The following PHKB variants were observed in gnomAD, a reference collection of about 807,000 sequenced individuals.
The protein encoded by PHKB is phosphorylase kinase regulatory subunit beta, also known as phosphorylase b kinase regulatory subunit beta.
PHKB carries 122 observed loss-of-function variants against 152.1 expected under a neutral mutation model. The observed-to-expected ratio is 0.80, with a 90% CI of 0.69 to 0.93. The LOEUF (loss-of-function observed/expected upper bound fraction) is 0.93. PHKB is among the 40% of genes least tolerant of loss of function. PHKB has a pLI of 0.00. For missense variants in PHKB, 1,304 were observed against 1,328.4 expected (o/e 0.98, Z 0.29); for synonymous variants, 436 against 464.9 (o/e 0.94, Z 0.80).
chr16:47,515,018 C>G (rs1970572275), intron 5 of PHKB, among the ~76,000 whole-genome samples: 2 of 152,118 alleles, frequency 1.3e-5, no homozygotes, highest in Non-Finnish European at 2.9e-5. Flanking sequence ...TCAAGATGCA[C>G]TGCCTATTGT....
rs1285034357 is a variant in PHKB at position 47,473,053 on chromosome 16, TG to T, written c.76+11628del. ...CTTCTAGGATCTGTGTTTTTTTTTTTGTTTGTTTGTTTGTTTGTTTTTGTTT... is the reference window on the plus strand; with the variant it reads ...CTTCTAGGATCTGTGTTTTTTTTTTTTTTGTTTGTTTGTTTGTTTTTGTTT... On this transcript the variant is annotated intron_variant, in intron 1 of 30. Coordinates refer to ENST00000323584, the MANE Select transcript of PHKB (RefSeq NM_000293.3). Among the ~76,000 whole-genome samples, 39 of 150,938 alleles carry T rather than the reference TG, an allele frequency of 2.6e-4. 1 individual carries two copies. The highest frequency in any genetic ancestry group is 1.3e-3 in the Admixed American group (19 of 15,116).
At chr16:47,521,923 A>T (rs1193465451) in intron 6 of PHKB, among the ~76,000 whole-genome samples, 1 of 152,138 alleles carries the variant, frequency 6.6e-6, no homozygotes, top group African/African-American at 2.4e-5. Flanking sequence ...CTTGGTCATG[A>T]TGTATAATCC....
chr16:47,655,655 G>A (rs1212243344), intron 20 of PHKB, among the ~76,000 whole-genome samples: 1 of 152,166 alleles, frequency 6.6e-6, no homozygotes, highest in Admixed American at 6.5e-5. Context: ...TTTTAATCCT[G>A]TGTCATCTGA....
chr16:47,650,556 T>C lies in PHKB; in HGVS notation c.1810T>C (p.Phe604Leu). ...TTCTGTTTGACAGAATGCGCTGCAGTTCATTAAACAATATTGGAAAATGCA... is the reference window on the plus strand; with the variant it reads ...TTCTGTTTGACAGAATGCGCTGCAGCTCATTAAACAATATTGGAAAATGCA... ...LIDDIKNALQ[F>L]IKQYWKMHGR... is the part of the protein sequence containing the mutation. The change falls in exon 19 of 31, where the codon TTC (phenylalanine) becomes CTC (leucine). Residue 604 changes from phenylalanine (F) to leucine (L), a missense_variant. Coordinates refer to ENST00000323584, the MANE Select transcript of PHKB (RefSeq NM_000293.3). The C allele has an allele frequency of 6.3e-7, 1 of 1,599,856 alleles. No individual in the cohort carries two copies. The highest frequency in any genetic ancestry group is 8.6e-7 in the Non-Finnish European group (1 of 1,167,142).
At chr16:47,683,559 G>A (rs551450342) in intron 26 of PHKB, among the ~76,000 whole-genome samples, 8 of 152,318 alleles carry the variant, frequency 5.3e-5, no homozygotes, top group East Asian at 3.9e-4. Context: ...AGGACCCTCC[G>A]AGCCAGGTGT....
At chr16:47,629,782 C>T (rs1192072546) in intron 14 of PHKB, among the ~76,000 whole-genome samples, 1 of 152,128 alleles carries the variant, frequency 6.6e-6, no homozygotes, top group Admixed American at 6.5e-5. Flanking sequence ...CCCAGATGTC[C>T]AACAGTGACA....
intron 1 of PHKB, among the ~76,000 whole-genome samples, chr16:47,489,430 A>C (rs926429854): frequency 3.9e-5 from 6 of 152,252 alleles, no homozygotes; most frequent in African/African-American, 1.4e-4. Context: ...TGCAACATAG[A>C]CTTTAGTCTT....
At position 47,654,925 on chromosome 16, in the gene PHKB, A is replaced by G. The variant is rs1973308104; in HGVS notation, c.1971+4004A>G. 2.6e-5 allele frequency among the ~76,000 whole-genome samples: 4 copies of G among 152,122 alleles called. No individual in the cohort carries two copies. In the South Asian group the frequency reaches 8.3e-4, roughly 32 times the overall value. On this transcript the variant is annotated intron_variant, in intron 20 of 30. Transcript: ENST00000323584. Reference sequence around the variant, plus strand: ...TATGTAACAAACCTGCATGTTGTGCACATGTACCCCAAAAACTTAAAATAT... The same window carrying G: ...TATGTAACAAACCTGCATGTTGTGCGCATGTACCCCAAAAACTTAAAATAT...
At position 47,462,431 on chromosome 16, in the gene PHKB, C is replaced by G. The variant is rs1318003206; in HGVS notation, c.76+1005C>G. Reference sequence around the variant, plus strand: ...GGCGGATCACCTGAGGTCAGGAGTTCGAGACCAGCCTGGCCAACCTGGTAA... The same window carrying G: ...GGCGGATCACCTGAGGTCAGGAGTTGGAGACCAGCCTGGCCAACCTGGTAA... On this transcript the variant is annotated intron_variant, in intron 1 of 30. Coordinates refer to ENST00000323584, the MANE Select transcript of PHKB (RefSeq NM_000293.3). 3 of 152,222 alleles carry G rather than the reference C, an allele frequency of 2.0e-5. No homozygotes were observed. In the South Asian group the frequency reaches 6.2e-4, roughly 32 times the overall value. 9.4% of individuals were successfully genotyped at this position (152,222 alleles called of 1,614,324 possible).
chr16:47,559,537 G>A (rs1232229209), intron 7 of PHKB, among the ~76,000 whole-genome samples: 1 of 152,086 alleles, frequency 6.6e-6, no homozygotes, highest in Non-Finnish European at 1.5e-5. Context: ...ACTGGGGCTG[G>A]GCTTATCTTG....
At chr16:47,482,475 A>G (rs949328006) in intron 1 of PHKB, among the ~76,000 whole-genome samples, 2 of 152,226 alleles carry the variant, frequency 1.3e-5, no homozygotes, top group African/African-American at 4.8e-5. Flanking sequence ...ACAGATTATA[A>G]TTTCTATACA....
At position 47,596,356 on chromosome 16, in the gene PHKB, ATTTT is replaced by A. The variant is rs1304231552; in HGVS notation, c.1205-15_1205-12del. On this transcript the variant is annotated splice_polypyrimidine_tract_variant and intron_variant, in intron 12 of 30. Coordinates refer to ENST00000323584, the MANE Select transcript of PHKB (RefSeq NM_000293.3). The stretch of plus-strand genomic sequence containing the variant: ...CAGATTTGTTATATTTTAAATACTT[ATTTT>A]TAAACTCCATAGGATATCCTGTTGT... The A allele has an allele frequency of 6.5e-7, 1 of 1,542,880 alleles. No homozygotes were observed. The highest frequency in any genetic ancestry group is 1.4e-5 in the African/African-American group (1 of 73,358).
At chr16:47,566,243 A>G (rs1971564038) in intron 7 of PHKB, 2 of 829,022 alleles carry the variant, frequency 2.4e-6, no homozygotes, top group Non-Finnish European at 4.2e-6. Flanking sequence ...CTCCAAAGCT[A>G]TCATCACCTC....
At chr16:47,475,108 A>G (rs1264165066) in intron 1 of PHKB, among the ~76,000 whole-genome samples, 1 of 152,102 alleles carries the variant, frequency 6.6e-6, no homozygotes, top group Non-Finnish European at 1.5e-5. Context: ...ATGGCTTCTG[A>G]TTTAGGATGA....
intron 1 of PHKB, 34 bp downstream of exon 1, chr16:47,461,460 G>C (rs1461264643): frequency 6.2e-7 from 1 of 1,609,060 alleles, no homozygotes; most frequent in Non-Finnish European, 8.5e-7. Flanking sequence ...CCCCACCCGA[G>C]TACCTTGGGT....
intron 7 of PHKB, among the ~76,000 whole-genome samples, chr16:47,577,813 T>C (rs937692836): frequency 5.9e-5 from 9 of 152,310 alleles, no homozygotes; most frequent in African/African-American, 2.2e-4. Context: ...GAAGTTACGA[T>C]GTGTCTTAGC....
intron 14 of PHKB, among the ~76,000 whole-genome samples, chr16:47,626,292 C>T (rs1455650017): frequency 6.6e-6 from 1 of 152,208 alleles, no homozygotes; most frequent in Non-Finnish European, 1.5e-5. Flanking sequence ...TTGTTGGATT[C>T]TAGAGCCTGC....
chr16:47,650,118 T>C (rs1166193614), intron 18 of PHKB, among the ~76,000 whole-genome samples: 3 of 152,086 alleles, frequency 2.0e-5, no homozygotes, highest in South Asian at 2.1e-4. Context: ...TGTAGGCTTT[T>C]TTAAAAAAGG....
chr16:47,545,587 C>G (rs144721941), intron 6 of PHKB, among the ~76,000 whole-genome samples: 2 of 152,136 alleles, frequency 1.3e-5, no homozygotes, highest in East Asian at 3.8e-4. Context: ...TTGCTCTTTT[C>G]GAGGAGTATC....
Sources: gnomAD v4.1 joint callset for allele counts (sites outside exome capture counted in the v4.1 genomes callset) on GRCh38, gnomAD v4.1.1 for gene constraint, MANE v1.5 for transcripts, NCBI Gene and HGNC (gene_info 2026-07-23, HGNC 2026-07-21) for gene names.